Variants in GRID1 observed in about 807,000 individuals in gnomAD.
GRID1 encodes glutamate ionotropic receptor delta type subunit 1.
In GRID1, 28 loss-of-function variants were observed where a neutral mutation model predicts 98.0. The ratio of observed to expected loss-of-function variants is 0.29; its 90% confidence interval spans 0.21 to 0.39. GRID1 has a LOEUF of 0.39. Among genes scored for constraint, GRID1 ranks in the 10% least tolerant of loss-of-function variants. The probability of loss-of-function intolerance (pLI) is 1.00; values close to 1 mark genes in which losing one functional copy is unlikely to be tolerated. For missense variants in GRID1, 1,111 were observed against 1,340.5 expected (o/e 0.83, Z 2.67); for synonymous variants, 553 against 538.5 (o/e 1.03, Z -0.37).
At chr10:85,883,565 T>C (rs1841069227) in intron 5 of GRID1, among the ~76,000 whole-genome samples, 1 of 151,514 alleles carries the variant, frequency 6.6e-6, no homozygotes, top group Admixed American at 6.6e-5. Context: ...CCTCCCTCTC[T>C]CCCATCTTCT....
At chr10:86,085,304 G>A (rs1198174057) in intron 4 of GRID1, among the ~76,000 whole-genome samples, 1 of 152,180 alleles carries the variant, frequency 6.6e-6, no homozygotes, top group Non-Finnish European at 1.5e-5. Context: ...CAGGGGCTCT[G>A]CCCTGCCACT....
chr10:85,685,336 T>C (rs1318399728), intron 12 of GRID1, among the ~76,000 whole-genome samples: 1 of 152,184 alleles, frequency 6.6e-6, no homozygotes, highest in African/African-American at 2.4e-5. Flanking sequence ...AAATGTCAAA[T>C]GCCTTGTAAT....
At chr10:85,790,356 T>G (rs1842467324) in intron 8 of GRID1, among the ~76,000 whole-genome samples, 1 of 152,198 alleles carries the variant, frequency 6.6e-6, no homozygotes, top group East Asian at 1.9e-4. Flanking sequence ...CACTAGGCAA[T>G]TGTCCTCAGG....
chr10:86,099,548 G>A (rs1844266087), intron 4 of GRID1, among the ~76,000 whole-genome samples: 1 of 151,820 alleles, frequency 6.6e-6, no homozygotes, highest in South Asian at 2.1e-4. Flanking sequence ...TCATCTTTCT[G>A]AAGTTTCACA....
chr10:86,096,400 C>T (rs541250865), intron 4 of GRID1, among the ~76,000 whole-genome samples: 4 of 152,282 alleles, frequency 2.6e-5, no homozygotes, highest in Non-Finnish European at 5.9e-5. Context: ...TCCAGCCCCA[C>T]AAATGTTTCC....
In GRID1 at chr10:86,236,193, T is replaced by TG. The variant is rs1298032177; in HGVS notation, c.236-29546dup. 5.3e-5 allele frequency among the ~76,000 whole-genome samples: 8 copies of TG among 152,378 alleles called. No individual in the cohort carries two copies. The East Asian group carries it at 1.5e-3, about 29-fold the overall frequency. ...TTATTTGAAATCTGTATCTCTTTTTTGGTGAAGTATCTATACAAATCTTTT... is the reference window on the plus strand; with the variant it reads ...TTATTTGAAATCTGTATCTCTTTTTTGGGTGAAGTATCTATACAAATCTTTT... On this transcript the variant is annotated intron_variant, in intron 2 of 15. Transcript: ENST00000327946.
At chr10:86,354,627 ATAATCAATC>A (rs1436098227) in intron 2 of GRID1, among the ~76,000 whole-genome samples, 1 of 152,234 alleles carries the variant, frequency 6.6e-6, no homozygotes, top group African/African-American at 2.4e-5. Context: ...GACCACACAG[ATAATCAATC>A]AGATTTGGGA....
chr10:86,273,607 A>C (rs868146222), intron 2 of GRID1, among the ~76,000 whole-genome samples: 11,059 of 151,698 alleles, frequency 0.073, 1,094 homozygotes, highest in African/African-American at 0.24. Context: ...TTGCCATTCT[A>C]ACTGGTGTGA....
intron 5 of GRID1, among the ~76,000 whole-genome samples, chr10:85,907,677 C>G (rs1045237182): frequency 5.9e-5 from 9 of 151,878 alleles, no homozygotes; most frequent in Non-Finnish European, 1.2e-4. Context: ...ACTTTTGAGG[C>G]CAGCATTATG....
rs370658267 is a variant in GRID1 at position 86,163,296 on chromosome 10, C to T, written c.521-24272G>A. On this transcript the variant is annotated intron_variant, in intron 3 of 15. Coordinates refer to ENST00000327946, the MANE Select transcript of GRID1 (RefSeq NM_017551.3). ...CTGTCTCCATCAAGCCCAGGTGAGG[C>T]GCTCCATGGCCCATCCTGTCCTTGA... Among the ~76,000 whole-genome samples the T allele has an allele frequency of 6.6e-5, 10 of 152,248 alleles. No individual in the cohort carries two copies. The East Asian group carries it at 1.4e-3, about 21-fold the overall frequency.
intron 12 of GRID1, among the ~76,000 whole-genome samples, chr10:85,694,865 C>T (rs1393152645): frequency 1.3e-5 from 2 of 151,568 alleles, no homozygotes; most frequent in Non-Finnish European, 2.9e-5. Context: ...GTACAATGTA[C>T]ATTATTTGAG....
At chr10:85,662,180 T>A (rs553263704) in intron 12 of GRID1, among the ~76,000 whole-genome samples, 1 of 152,336 alleles carries the variant, frequency 6.6e-6, no homozygotes, top group East Asian at 1.9e-4. Context: ...AGTGGATGAA[T>A]GATGTATAAG....
intron 4 of GRID1, among the ~76,000 whole-genome samples, chr10:86,024,386 G>A (rs1025157698): frequency 6.6e-6 from 1 of 152,266 alleles, no homozygotes; most frequent in Admixed American, 6.5e-5. Flanking sequence ...TAGAGTGCAG[G>A]GGCCTCTCTG....
rs145079006 is a variant in GRID1, at chr10:85,713,065, G to A, written c.1997+9938C>T. On this transcript the variant is annotated intron_variant, in intron 12 of 15. Coordinates refer to ENST00000327946, the MANE Select transcript of GRID1 (RefSeq NM_017551.3). ...CAGAAAGAGGAAAATAATAAAGATC[G>A]GGGCAGAAATAAATAAAATAGAGAC... Among the ~76,000 whole-genome samples the A allele has an allele frequency of 5.1e-3, 771 of 151,502 alleles. 9 individuals carry two copies. The highest frequency in any genetic ancestry group is 0.018 in the African/African-American group (739 of 41,438).
chr10:86,205,458 T>C (rs1413836945), intron 3 of GRID1, among the ~76,000 whole-genome samples: 2 of 152,170 alleles, frequency 1.3e-5, no homozygotes, highest in Non-Finnish European at 2.9e-5. Context: ...TTAAAATGCA[T>C]AGCAGTAAAT....
intron 5 of GRID1, among the ~76,000 whole-genome samples, chr10:85,871,189 T>C (rs1379463570): frequency 1.3e-5 from 2 of 152,200 alleles, no homozygotes; most frequent in Non-Finnish European, 2.9e-5. Flanking sequence ...AGCTTAGCCT[T>C]GCTCAGAATG....
chr10:86,004,590 G>A (rs1842837335), intron 4 of GRID1, among the ~76,000 whole-genome samples: 1 of 152,148 alleles, frequency 6.6e-6, no homozygotes, highest in African/African-American at 2.4e-5. Flanking sequence ...GCAGCAGATG[G>A]CCTTCAAACT....
chr10:85,671,099 C>T (rs548389039), intron 12 of GRID1, among the ~76,000 whole-genome samples: 2 of 152,312 alleles, frequency 1.3e-5, no homozygotes, highest in African/African-American at 4.8e-5. Context: ...CTTTTCCTAC[C>T]TTTGCCTTGT....
chr10:86,143,711 AG>A (rs1845043683), intron 3 of GRID1, among the ~76,000 whole-genome samples: 2 of 152,202 alleles, frequency 1.3e-5, no homozygotes, highest in African/African-American at 4.8e-5. Flanking sequence ...GGCATGAGAA[AG>A]GCAAGAGCCA....
Sources: gnomAD v4.1 joint callset for allele counts (sites outside exome capture counted in the v4.1 genomes callset) on GRCh38, gnomAD v4.1.1 for gene constraint, MANE v1.5 for transcripts, NCBI Gene and HGNC (gene_info 2026-07-23, HGNC 2026-07-21) for gene names.